Variants in ZNF16 observed in about 807,000 individuals in gnomAD.
ZNF16 encodes the protein zinc finger protein 16, also known as zinc finger protein KOX9.
A neutral mutation model predicts 9.0 loss-of-function variants in ZNF16; 7 were observed. The ratio of observed to expected loss-of-function variants is 0.78; its 90% CI spans 0.44 to 1.47. The LOEUF is 1.47. Among genes scored for constraint, ZNF16 ranks in the 40% most tolerant of loss-of-function variants. The pLI is 0.01. For synonymous variants in ZNF16, 312 were observed against 301.5 expected (o/e 1.03, Z -0.36); for missense variants, 830 against 854.2 (o/e 0.97, Z 0.35).
In ZNF16 at chr8:144,932,011, T is replaced by A. The variant is rs1294119698; in HGVS notation, c.776A>T (p.His259Leu). 2 of 1,611,182 alleles carry A rather than the reference T, an allele frequency of 1.2e-6. No individual in the cohort carries two copies. The highest frequency in any genetic ancestry group is 2.7e-5 in the African/African-American group (2 of 74,856). Residue 259 changes from histidine (H) to leucine (L), a missense_variant, in exon 3 of 3, where the codon CAT becomes CTT. Transcript: ENST00000394909. This position sits in a 1 kb window ranked among gnomAD's most constrained non-coding sequence, Gnocchi z 5.0. ...GCACTGGTAAGCTTTCTCACTCATATGAGATCGATGACGGTTTTTAAGAAC... is the reference window on the plus strand; with the variant it reads ...GCACTGGTAAGCTTTCTCACTCATAAGAGATCGATGACGGTTTTTAAGAAC... ...NSVLKNRHRSHMSEKAYQCSE... is the reference protein window; with the variant it reads ...NSVLKNRHRSLMSEKAYQCSE...
chr8:144,941,976 A>ATTTTT (rs1000299480), intron 2 of ZNF16, among the ~76,000 whole-genome samples: 8 of 92,052 alleles, frequency 8.7e-5, no homozygotes, highest in Non-Finnish European at 1.3e-4. Flanking sequence ...CATTTTTAAG[A>ATTTTT]TTTTTTTTTT....
At chr8:144,938,521 T>C (rs1833733903) in intron 2 of ZNF16, among the ~76,000 whole-genome samples, 2 of 152,246 alleles carry the variant, frequency 1.3e-5, no homozygotes, top group Admixed American at 1.3e-4. Context: ...ATTGATGCTA[T>C]TGTATATGGA....
intron 2 of ZNF16, among the ~76,000 whole-genome samples, chr8:144,934,971 G>T (rs1421732689): frequency 6.6e-6 from 1 of 152,170 alleles, no homozygotes; most frequent in Non-Finnish European, 1.5e-5. Context: ...TGGATGAAGA[G>T]ATGGCGACCA....
chr8:144,931,985 T>C lies in ZNF16; in HGVS notation c.802A>G (p.Ser268Gly), dbSNP rs764284424. Reference sequence around the variant, plus strand: ...CCTCGGAAGGCTTTCCCACATTCGCTGCACTGGTAAGCTTTCTCACTCATA... The same window carrying C: ...CCTCGGAAGGCTTTCCCACATTCGCCGCACTGGTAAGCTTTCTCACTCATA... ...SHMSEKAYQC[S>G]ECGKAFRGHS... is the part of the protein sequence containing the mutation. The change falls in exon 3 of 3, where the codon AGC (serine) becomes GGC (glycine). Residue 268 changes from serine to glycine, a missense_variant. Coordinates refer to ENST00000394909, the MANE Select transcript of ZNF16 (RefSeq NM_006958.3). 1.9e-6 allele frequency: 3 copies of C among 1,613,880 alleles called. No individual in the cohort carries two copies. Among genetic ancestry groups the C allele is most frequent in the Admixed American group, 1.7e-5 (1 of 59,992 alleles).
chr8:144,949,560 A>T (rs1834041952), intron 1 of ZNF16, among the ~76,000 whole-genome samples: 1 of 152,208 alleles, frequency 6.6e-6, no homozygotes, highest in South Asian at 2.1e-4. Context: ...AGATGCTGTT[A>T]ATTTGTAACT....
At position 144,931,740 on chromosome 8, in the gene ZNF16, A is replaced by G; in HGVS notation, c.1047T>C (p.Tyr349=). 1 of 1,614,068 alleles carries G rather than the reference A, an allele frequency of 6.2e-7. No homozygotes were observed. Among genetic ancestry groups the G allele is most frequent in the Non-Finnish European group, 8.5e-7 (1 of 1,179,954 alleles). The change falls in exon 3 of 3, where the codon TAT becomes TAC. Residue 349 remains tyrosine (Y), a synonymous_variant. Transcript: ENST00000394909. ...AGGCCTTCCCACACTCACTGCACACATACGGTTTCTCCCCAGAATGGATTC... is the reference window on the plus strand; with the variant it reads ...AGGCCTTCCCACACTCACTGCACACGTACGGTTTCTCCCCAGAATGGATTC... ...HQRIHSGEKP[Y]VCSECGKAFR...
intron 1 of ZNF16, 117 bp from the exon 2 acceptor site, chr8:144,946,332 TG>T (rs1461422624): frequency 2.0e-6 from 2 of 1,012,770 alleles, no homozygotes; most frequent in African/African-American, 3.3e-5. Context: ...GAAGAGGGCC[TG>T]GTGCTGCCAG....
chr8:144,942,971 C>T lies in ZNF16; in HGVS notation c.196+3040G>A, dbSNP rs58725101. 3.0e-3 allele frequency among the ~76,000 whole-genome samples: 462 copies of T among 152,302 alleles called. 4 individuals carry two copies. Among genetic ancestry groups the T allele is most frequent in the African/African-American group, 0.01 (435 of 41,556 alleles). On this transcript the variant is annotated intron_variant, in intron 2 of 2. Transcript: ENST00000394909. ...TTTTTGTATGGCTTTGAGTCCCTGT[C>T]TAGTGTTCTTTCATTTCAACCTTCA...
chr8:144,945,787 T>C, intron 2 of ZNF16: 1 of 840,470 alleles, frequency 1.2e-6, no homozygotes, highest in Non-Finnish European at 1.7e-6. Context: ...CATCATGTCA[T>C]ACCTCTTCGT....
At position 144,946,059 on chromosome 8, in the gene ZNF16, A is replaced by C. The variant is rs746563538; in HGVS notation, c.148T>G (p.Cys50Gly). The C allele has an allele frequency of 5.8e-5, 94 of 1,613,632 alleles. No homozygotes were observed. Among genetic ancestry groups the C allele is most frequent in the Non-Finnish European group, 7.0e-5 (82 of 1,179,752 alleles). ...PGSAACGTPC[C>G]SDTELEAICP... is the part of the protein sequence containing the mutation. ...ATGGCTTCCAGCTCAGTATCACTAC[A>C]GCAGGGGGTACCACAGGCTGCAGAT... Residue 50 changes from cysteine to glycine, a missense_variant, in exon 2 of 3, where the codon TGT becomes GGT. Cys to Gly is a radical substitution (Grantham distance 159). Transcript: ENST00000394909.
chr8:144,930,984 G>A lies in ZNF16; in HGVS notation c.1803C>T (p.Tyr601=). The A allele has an allele frequency of 6.2e-7, 1 of 1,614,174 alleles. No individual in the cohort carries two copies. Among genetic ancestry groups the A allele is most frequent in the Non-Finnish European group, 8.5e-7 (1 of 1,180,020 alleles). The change falls in exon 3 of 3, where the codon TAC becomes TAT. Residue 601 remains tyrosine (Y), a synonymous_variant. Transcript: ENST00000394909. Reference sequence around the variant, plus strand: ...AGCCCTTACCACATTCAACACAGGTGTAGGGTTTTTCCCCAGTATGAACTT... The same window carrying A: ...AGCCCTTACCACATTCAACACAGGTATAGGGTTTTTCCCCAGTATGAACTT... ...HQKVHTGEKP[Y]TCVECGKGFS...
Position 144,945,778 on chromosome 8 carries a change from A to G in ZNF16, c.196+233T>C, listed in dbSNP as rs147852159. 870 of 734,150 alleles carry G rather than the reference A, an allele frequency of 1.2e-3. 3 individuals are homozygous for G. In the African/African-American group the frequency reaches 0.014, roughly 12 times the overall value. 45.5% of individuals were successfully genotyped at this position (734,150 alleles called of 1,614,324 possible). On this transcript the variant is annotated intron_variant, in intron 2 of 2. Coordinates refer to ENST00000394909, the MANE Select transcript of ZNF16 (RefSeq NM_006958.3). ...GGCAAATCAAAGGACGCTGGTGGCCATCATGTCATACCTCTTCGTGTCAAG... is the reference window on the plus strand; with the variant it reads ...GGCAAATCAAAGGACGCTGGTGGCCGTCATGTCATACCTCTTCGTGTCAAG...
intron 2 of ZNF16, among the ~76,000 whole-genome samples, chr8:144,935,988 C>T (rs934193359): frequency 1.3e-5 from 2 of 152,200 alleles, no homozygotes; most frequent in Admixed American, 6.5e-5. Context: ...GCATTTAGTA[C>T]ATCTATAATG....
intron 2 of ZNF16, among the ~76,000 whole-genome samples, chr8:144,941,388 G>A (rs1833793580): frequency 6.6e-6 from 1 of 151,970 alleles, no homozygotes; most frequent in African/African-American, 2.4e-5. Context: ...TTCTCTGCAT[G>A]GAATATTTTT....
rs143874915 is a variant in ZNF16 at position 144,931,124 on chromosome 8, T to G, written c.1663A>C (p.Ser555Arg). The G allele has an allele frequency of 2.5e-6, 4 of 1,614,150 alleles. No individual in the cohort carries two copies. Among genetic ancestry groups the G allele is most frequent in the African/African-American group, 1.3e-5 (1 of 74,960 alleles). The change falls in exon 3 of 3, where the codon AGC (serine) becomes CGC (arginine). Residue 555 changes from serine to arginine, a missense_variant. Coordinates refer to ENST00000394909, the MANE Select transcript of ZNF16 (RefSeq NM_006958.3). ...TGCTGAATGAGGGTTGAGCTCTGGC[T>G]GAAGGTTTTTCCACATTCAGTACAT... The part of the protein sequence containing the change: ...YECTECGKTF[S>R]QSSTLIQHQR...
chr8:144,931,219 C>T lies in ZNF16; in HGVS notation c.1568G>A (p.Gly523Glu). 6.2e-7 allele frequency: 1 copy of T among 1,613,914 alleles called. No homozygotes were observed. Among genetic ancestry groups the T allele is most frequent in the Non-Finnish European group, 8.5e-7 (1 of 1,179,982 alleles). ...GTTGGAGCTGCGACCAAAGGTCTTC[C>T]CACACTCGTGGCAGGCGTAGGGCTT... ...GDKPYACHEC[G>E]KTFGRSSNLI... Residue 523 changes from glycine to glutamate, a missense_variant, in exon 3 of 3, where the codon GGG (glycine) becomes GAG (glutamate). Physicochemically the swap from Gly to Glu is moderately conservative, Grantham distance 98. Coordinates refer to ENST00000394909, the MANE Select transcript of ZNF16 (RefSeq NM_006958.3).
intron 2 of ZNF16, among the ~76,000 whole-genome samples, chr8:144,940,993 C>T (rs960538268): frequency 5.3e-5 from 8 of 152,120 alleles, no homozygotes; most frequent in East Asian, 1.9e-4. Flanking sequence ...CTCTTAATAA[C>T]GACACACTGC....
intron 2 of ZNF16, chr8:144,944,317 G>A (rs987072731): frequency 1.3e-5 from 2 of 152,402 alleles, no homozygotes; most frequent in Admixed American, 6.5e-5. Flanking sequence ...TGATCCACCT[G>A]CCTCAGCCTC....
chr8:144,950,806 TCG>T lies in ZNF16; in HGVS notation c.-21_-20del, dbSNP rs1323538839. On this transcript the variant is annotated 5_prime_UTR_variant, in exon 1 of 3. Transcript: ENST00000394909. Reference sequence around the variant, plus strand: ...GCTTCGCGGAACTAACCTCAACGGGTCGCGCTTGGAAAGGAGGCAGCACCGTG... The same window carrying T: ...GCTTCGCGGAACTAACCTCAACGGGTCGCTTGGAAAGGAGGCAGCACCGTG... The T allele has an allele frequency of 6.6e-6, 1 of 152,048 alleles. No individual in the cohort carries two copies. Among genetic ancestry groups the T allele is most frequent in the Non-Finnish European group, 1.5e-5 (1 of 68,042 alleles). The allele number at this position is 152,048 out of a possible 1,614,324, so 9.4% of individuals were successfully genotyped here. A position where few individuals can be genotyped will look rare whatever the true frequency, so the allele number is the denominator to read the frequency against.
Sources: gnomAD v4.1 joint callset for allele counts (sites outside exome capture counted in the v4.1 genomes callset) on GRCh38, gnomAD v4.1.1 for gene constraint, Gnocchi (gnomAD v3.1) non-coding constraint, MANE v1.5 for transcripts, NCBI Gene and HGNC (gene_info 2026-07-23, HGNC 2026-07-21) for gene names.